Variants in CRMP1 observed in about 807,000 individuals in gnomAD.
The protein encoded by CRMP1 is dihydropyrimidinase-related protein 1.
In CRMP1, 19 loss-of-function variants were observed where a neutral mutation model predicts 68.3. The observed-to-expected ratio is 0.28, with a 90% CI of 0.19 to 0.41. The LOEUF is 0.41. Ranked by LOEUF, CRMP1 falls within the 10% of genes least tolerant of loss-of-function variation. The probability of loss-of-function intolerance (pLI) is 1.00; values close to 1 mark genes in which losing one functional copy is unlikely to be tolerated. For synonymous variants in CRMP1, 439 were observed against 399.6 expected (o/e 1.10, Z -1.18); for missense variants, 791 against 967.4 (o/e 0.82, Z 2.42).
intron 1 of CRMP1, among the ~76,000 whole-genome samples, chr4:5,880,883 G>T (rs545120828): frequency 6.6e-6 from 1 of 152,336 alleles, no homozygotes; most frequent in Non-Finnish European, 1.5e-5. Flanking sequence ...CACTCACACA[G>T]TGTGGCATCC....
At chr4:5,868,280 T>TCTATATATAG (rs1213817219) in intron 1 of CRMP1, among the ~76,000 whole-genome samples, 55 of 86,336 alleles carry the variant, frequency 6.4e-4, no homozygotes, top group African/African-American at 3.0e-3. Flanking sequence ...TATATATATA[T>TCTATATATAG]ATATATATAT....
rs1714546963 is a variant in CRMP1 at position 5,872,763 on chromosome 4, A to G, written c.382-6007T>C. On this transcript the variant is annotated intron_variant, in intron 1 of 13. Transcript: ENST00000324989. This position sits in a 1 kb window ranked among gnomAD's most constrained non-coding sequence, Gnocchi z 4.6. ...AACTCAGCCAAAGTCTAACAGCTGA[A>G]TTGATTAGCTAGGGCATGTCAGAGA... Among the ~76,000 whole-genome samples the G allele has an allele frequency of 6.6e-6, 1 of 152,248 alleles. No homozygotes were observed. The highest frequency in any genetic ancestry group is 2.4e-5 in the African/African-American group (1 of 41,464).
intron 2 of CRMP1, among the ~76,000 whole-genome samples, chr4:5,864,101 T>C (rs748511871): frequency 2.0e-5 from 3 of 152,218 alleles, no homozygotes; most frequent in Non-Finnish European, 4.4e-5. Flanking sequence ...GGACTCTTGA[T>C]GTTGACACAT....
In CRMP1 at chr4:5,865,261, G is replaced by A. The variant is rs1713901506; in HGVS notation, c.470+1407C>T. ...CTTCCAGATTTCAAGGGAAGAGGCT[G>A]AGCACCCAGCAAATCCAGGTTACAA... On this transcript the variant is annotated intron_variant, in intron 2 of 13. Transcript: ENST00000324989. This position sits in a 1 kb window ranked among gnomAD's most constrained non-coding sequence, Gnocchi z 4.1. Among the ~76,000 whole-genome samples the A allele has an allele frequency of 6.6e-6, 1 of 152,038 alleles. No individual in the cohort carries two copies. The highest frequency in any genetic ancestry group is 1.5e-5 in the Non-Finnish European group (1 of 68,020).
chr4:5,851,902 A>AAG (rs60928054), intron 4 of CRMP1, among the ~76,000 whole-genome samples: 103,186 of 144,926 alleles, frequency 0.71, 36,795 homozygotes, highest in East Asian at 0.85. Flanking sequence ...GAGGAAGAAA[A>AAG]AGGAGAAAGA....
chr4:5,875,588 T>C (rs1347678323), intron 1 of CRMP1, among the ~76,000 whole-genome samples: 1 of 151,986 alleles, frequency 6.6e-6, no homozygotes, highest in Non-Finnish European at 1.5e-5. Flanking sequence ...ACAATATAAA[T>C]AGGAGTTCAG....
At chr4:5,830,560 C>T (rs1720297426) in intron 11 of CRMP1, among the ~76,000 whole-genome samples, 1 of 152,204 alleles carries the variant, frequency 6.6e-6, no homozygotes, top group Non-Finnish European at 1.5e-5. Flanking sequence ...GCCTCTTGGG[C>T]CAGGTGTTCT....
In CRMP1 at chr4:5,843,257, G is replaced by A; in HGVS notation, c.964-96C>T. On this transcript the variant is annotated intron_variant, in intron 6 of 13. Transcript: ENST00000324989. The surrounding 1 kb of genome is among the most constrained non-coding windows in gnomAD (Gnocchi z 4.1). The stretch of plus-strand genomic sequence containing the variant: ...CCTGGTTAGACAGAGGGGGCAGCTG[G>A]GTCCCAAAGAGGCGAGTGGCTTGCA... 1 of 1,311,246 alleles carries A rather than the reference G, an allele frequency of 7.6e-7. No homozygotes were observed. 81.2% of individuals were successfully genotyped at this position (1,311,246 alleles called of 1,614,324 possible). A position where few individuals can be genotyped will look rare whatever the true frequency, so the allele number is the denominator to read the frequency against.
At chr4:5,824,592 C>T in intron 13 of CRMP1, 2 of 959,640 alleles carry the variant, frequency 2.1e-6, no homozygotes, top group Non-Finnish European at 2.5e-6. Flanking sequence ...CGGCCCACCG[C>T]CTGTTTCTGT....
chr4:5,892,680 C>G lies in CRMP1; in HGVS notation c.290G>C (p.Ser97Thr). 1.6e-6 allele frequency: 2 copies of G among 1,217,576 alleles called. No individual in the cohort carries two copies. The highest frequency in any genetic ancestry group is 1.6e-5 in the African/African-American group (1 of 62,802). The allele number at this position is 1,217,576 out of a possible 1,614,324, so 75.4% of individuals were successfully genotyped here. ...CCGCTCGTCGCGCTCTCCGGGAGAGCTGACCGCGGAGCCCGAGGGCTCGCT... is the reference window on the plus strand; with the variant it reads ...CCGCTCGTCGCGCTCTCCGGGAGAGGTGACCGCGGAGCCCGAGGGCTCGCT... ...DVSEPSGSAVSSPGERDERPP... is the reference protein window; with the variant it reads ...DVSEPSGSAVTSPGERDERPP... Residue 97 changes from serine (S) to threonine (T), a missense_variant, in exon 1 of 14, where the codon AGC (serine) becomes ACC (threonine). Ser to Thr is a moderately conservative substitution (Grantham distance 58, BLOSUM62 1). This residue lies in a region of CRMP1 where 193 missense variants were observed against 186.3 expected (regional missense o/e 1.04). Transcript: ENST00000324989. This position sits in a 1 kb window ranked among gnomAD's most constrained non-coding sequence, Gnocchi z 8.6.
intron 11 of CRMP1, among the ~76,000 whole-genome samples, chr4:5,830,954 TTTTG>T (rs530514030): frequency 1.6e-3 from 241 of 152,240 alleles, no homozygotes; most frequent in African/African-American, 4.7e-3. Flanking sequence ...AGTTTTTTAT[TTTTG>T]TTTGTTTGTT....
intron 9 of CRMP1, among the ~76,000 whole-genome samples, chr4:5,837,650 T>TAATAAAATAAAATAA (rs376152936): frequency 1.7e-3 from 231 of 134,860 alleles, no homozygotes; most frequent in African/African-American, 6.7e-3. Flanking sequence ...TAAAATAAAA[T>TAATAAAATAAAATAA]AATAAAATAA....
At chr4:5,839,393 T>C (rs1397108756) in intron 9 of CRMP1, 129 bp downstream of exon 9, 4 of 1,201,872 alleles carry the variant, frequency 3.3e-6, no homozygotes, top group Non-Finnish European at 4.6e-6. Context: ...AGCGCAGTCC[T>C]TGCAGAGCAC....
At chr4:5,862,070 C>G (rs1426479718) in intron 2 of CRMP1, among the ~76,000 whole-genome samples, 1 of 152,136 alleles carries the variant, frequency 6.6e-6, no homozygotes, top group Admixed American at 6.5e-5. Context: ...TGGGGCTCCC[C>G]CAAAGAAGTG....
At chr4:5,874,803 T>G (rs1317865184) in intron 1 of CRMP1, among the ~76,000 whole-genome samples, 2 of 152,142 alleles carry the variant, frequency 1.3e-5, no homozygotes, top group South Asian at 4.1e-4. Flanking sequence ...AAAGAATACA[T>G]GGACACATAA....
chr4:5,850,211 C>T lies in CRMP1; in HGVS notation c.883-739G>A, dbSNP rs143650130. ...AACATCCCCTCGGATGTCTGCTTTCCGACAGACATCCCTATTTCAGCAAAT... is the reference window on the plus strand; with the variant it reads ...AACATCCCCTCGGATGTCTGCTTTCTGACAGACATCCCTATTTCAGCAAAT... On this transcript the variant is annotated intron_variant, in intron 5 of 13. Coordinates refer to ENST00000324989, the MANE Select transcript of CRMP1 (RefSeq NM_001014809.3). This position sits in a 1 kb window ranked among gnomAD's most constrained non-coding sequence, Gnocchi z 4.4. 3.3e-4 allele frequency among the ~76,000 whole-genome samples: 50 copies of T among 152,264 alleles called. No individual in the cohort carries two copies. The Middle Eastern group carries it at 0.017, about 52-fold the overall frequency.
chr4:5,829,335 G>A (rs556047821), intron 11 of CRMP1, among the ~76,000 whole-genome samples: 142 of 152,164 alleles, frequency 9.3e-4, no homozygotes, highest in Non-Finnish European at 1.6e-3. Context: ...GTTGCAGTGA[G>A]CCGAGATCGT....
Position 5,841,878 on chromosome 4 carries a change from A to T in CRMP1, c.1033-450T>A, listed in dbSNP as rs1009291517. On this transcript the variant is annotated intron_variant, in intron 7 of 13. Transcript: ENST00000324989. The surrounding 1 kb of genome is among the most constrained non-coding windows in gnomAD (Gnocchi z 6.9). Reference sequence around the variant, plus strand: ...GACTCGGTAATGACCTGATGAGGACATCAGAAAATGTCCTCAACTTGGCCA... The same window carrying T: ...GACTCGGTAATGACCTGATGAGGACTTCAGAAAATGTCCTCAACTTGGCCA... Among the ~76,000 whole-genome samples the T allele has an allele frequency of 6.6e-6, 1 of 152,228 alleles. No homozygotes were observed. Among genetic ancestry groups the T allele is most frequent in the Non-Finnish European group, 1.5e-5 (1 of 68,046 alleles).
In CRMP1 at chr4:5,825,677, G is replaced by A; in HGVS notation, c.1804-18C>T. 1.2e-6 allele frequency: 2 copies of A among 1,611,176 alleles called. No individual in the cohort carries two copies. The highest frequency in any genetic ancestry group is 1.3e-5 in the African/African-American group (1 of 74,896). Reference sequence around the variant, plus strand: ...CCAAAAACCTAAACAGAGGAAGGGAGAGTGTGATTGATCGACACTGTGCAT... The same window carrying A: ...CCAAAAACCTAAACAGAGGAAGGGAAAGTGTGATTGATCGACACTGTGCAT... On this transcript the variant is annotated intron_variant, in intron 12 of 13. Transcript: ENST00000324989. The surrounding 1 kb of genome is among the most constrained non-coding windows in gnomAD (Gnocchi z 4.4).
Sources: gnomAD v4.1 joint callset for allele counts (sites outside exome capture counted in the v4.1 genomes callset) on GRCh38, gnomAD v4.1.1 for gene constraint, gnomAD v4.1.1 regional missense constraint, Gnocchi (gnomAD v3.1) non-coding constraint, MANE v1.5 for transcripts, NCBI Gene and HGNC (gene_info 2026-07-23, HGNC 2026-07-21) for gene names.